RBFOX1: variants seen among roughly 807,000 people sequenced by gnomAD.
RBFOX1 encodes RNA binding fox-1 homolog 1.
RBFOX1 carries 8 observed loss-of-function variants against 57.7 expected under a neutral mutation model. That is an observed-to-expected ratio of 0.14 (90% CI 0.08 to 0.25). The LOEUF is 0.25. Among genes scored for constraint, RBFOX1 ranks in the 10% least tolerant of loss-of-function variants. RBFOX1 has a pLI of 1.00. For missense variants in RBFOX1, 611 were observed against 548.5 expected (o/e 1.11, Z -1.14); for synonymous variants, 326 against 222.4 (o/e 1.47, Z -4.15).
intron 2 of RBFOX1, among the ~76,000 whole-genome samples, chr16:6,527,363 C>T (rs1228959152): frequency 6.6e-6 from 1 of 151,952 alleles, no homozygotes; most frequent in African/African-American, 2.4e-5. Flanking sequence ...CTCCTTCCTT[C>T]CTCCCCCAAC....
intron 1 of RBFOX1, among the ~76,000 whole-genome samples, chr16:6,088,236 A>G (rs1296816827): frequency 6.6e-6 from 1 of 151,368 alleles, no homozygotes; most frequent in Admixed American, 6.6e-5. Flanking sequence ...CAGTTGGATC[A>G]TATCTGTTTT....
intron 2 of RBFOX1, among the ~76,000 whole-genome samples, chr16:5,577,370 TCTCAC>T (rs2046497540): frequency 1.3e-5 from 2 of 151,610 alleles, no homozygotes; most frequent in South Asian, 4.2e-4. Context: ...GGCGGGGGGG[TCTCAC>T]CTCCTCACCT....
At chr16:6,331,608 GTATATATA>G (rs34988811) in intron 2 of RBFOX1, among the ~76,000 whole-genome samples, 1 of 146,972 alleles carries the variant, frequency 6.8e-6, no homozygotes, top group South Asian at 2.1e-4. Context: ...ATATATATGT[GTATATATA>G]TATATATAAT....
chr16:7,337,112 C>A lies in RBFOX1; in HGVS notation c.28-181035C>A, dbSNP rs757454739. ...CAGTCATGCCTTTAATTCCCCTTTG[C>A]CTATGGAGAACCTAAAACCTACACT... is the stretch of plus-strand genomic sequence containing the variant. On this transcript the variant is annotated intron_variant, in intron 4 of 15. Transcript: ENST00000550418. 2.7e-4 allele frequency among the ~76,000 whole-genome samples: 41 copies of A among 152,136 alleles called. 1 individual carries two copies. The highest frequency in any genetic ancestry group is 8.2e-4 in the African/African-American group (34 of 41,416).
chr16:7,106,722 C>T lies in RBFOX1; in HGVS notation c.27+54624C>T, dbSNP rs370382001. Among the ~76,000 whole-genome samples the T allele has an allele frequency of 2.9e-4, 44 of 151,964 alleles. No individual in the cohort carries two copies. The South Asian group carries it at 7.9e-3, about 27-fold the overall frequency. On this transcript the variant is annotated intron_variant, in intron 4 of 15. Coordinates refer to ENST00000550418, the MANE Select transcript of RBFOX1 (RefSeq NM_018723.4). Reference sequence around the variant, plus strand: ...ATGCTAGGTGCTTGAGATATGAATTCATGACACATAATCCCTGCCACCAAG... The same window carrying T: ...ATGCTAGGTGCTTGAGATATGAATTTATGACACATAATCCCTGCCACCAAG...
intron 3 of RBFOX1, among the ~76,000 whole-genome samples, chr16:6,944,644 C>A (rs919306263): frequency 6.6e-6 from 1 of 152,062 alleles, no homozygotes; most frequent in Non-Finnish European, 1.5e-5. Context: ...GGGGGTCTGG[C>A]CATGCATCAC....
chr16:6,250,200 A>G (rs1439930990), intron 1 of RBFOX1, among the ~76,000 whole-genome samples: 2 of 152,124 alleles, frequency 1.3e-5, no homozygotes, highest in South Asian at 2.1e-4. Flanking sequence ...AAGAGCAGGG[A>G]CTATCTTTTT....
intron 3 of RBFOX1, among the ~76,000 whole-genome samples, chr16:5,798,056 C>T (rs987017443): frequency 3.3e-5 from 5 of 152,188 alleles, no homozygotes; most frequent in African/African-American, 1.2e-4. Flanking sequence ...ATATTGGTTT[C>T]TGTACTTAAT....
rs1333034956 is a variant in RBFOX1, at chr16:6,668,152, G to A, written c.-16+13502G>A. Among the ~76,000 whole-genome samples, 4 of 152,200 alleles carry A rather than the reference G, an allele frequency of 2.6e-5. No individual in the cohort carries two copies. In the South Asian group the frequency reaches 6.2e-4, roughly 24 times the overall value. ...TGACTGAAAGAGTATAGAGTTGAGAGCATAAGTAAAGGTGCAGACCAGGGA... is the reference window on the plus strand; with the variant it reads ...TGACTGAAAGAGTATAGAGTTGAGAACATAAGTAAAGGTGCAGACCAGGGA... On this transcript the variant is annotated intron_variant, in intron 3 of 15. Coordinates refer to ENST00000550418, the MANE Select transcript of RBFOX1 (RefSeq NM_018723.4).
intron 3 of RBFOX1, among the ~76,000 whole-genome samples, chr16:6,957,321 C>CG (rs2082079911): frequency 6.6e-6 from 1 of 151,738 alleles, no homozygotes; most frequent in South Asian, 2.1e-4. Context: ...TTAGTACAGA[C>CG]GGGGTTTCAC....
intron 2 of RBFOX1, among the ~76,000 whole-genome samples, chr16:6,379,655 A>C (rs1237179795): frequency 1.3e-5 from 2 of 151,778 alleles, no homozygotes; most frequent in African/African-American, 4.8e-5. Flanking sequence ...TGCAAGTGTC[A>C]AGAGCTGTGC....
intron 3 of RBFOX1, among the ~76,000 whole-genome samples, chr16:6,947,114 C>A (rs1380723982): frequency 1.3e-5 from 2 of 152,160 alleles, no homozygotes; most frequent in African/African-American, 4.8e-5. Context: ...GGGATAAGAT[C>A]TGTTAAACTC....
At chr16:5,674,238 T>C (rs2050100739) in intron 3 of RBFOX1, among the ~76,000 whole-genome samples, 1 of 152,230 alleles carries the variant, frequency 6.6e-6, no homozygotes, top group African/African-American at 2.4e-5. Context: ...TCTGAAAATC[T>C]TTTAAAGCAA....
At chr16:7,298,215 C>G (rs1373455378) in intron 4 of RBFOX1, among the ~76,000 whole-genome samples, 8 of 150,966 alleles carry the variant, frequency 5.3e-5, no homozygotes, top group Non-Finnish European at 7.4e-5. Flanking sequence ...ATAGTTGACC[C>G]TTCAGCAACA....
chr16:5,922,983 G>A (rs2058856896), intron 4 of RBFOX1, among the ~76,000 whole-genome samples: 1 of 152,190 alleles, frequency 6.6e-6, no homozygotes, highest in South Asian at 2.1e-4. Flanking sequence ...GGATGTGGAG[G>A]ACAGAGAAAG....
At chr16:7,282,069 T>G (rs187104053) in intron 4 of RBFOX1, among the ~76,000 whole-genome samples, 1 of 151,924 alleles carries the variant, frequency 6.6e-6, no homozygotes, top group African/African-American at 2.4e-5. Flanking sequence ...GGGTTTCTAT[T>G]TGTTGCCCAA....
intron 1 of RBFOX1, among the ~76,000 whole-genome samples, chr16:5,258,476 A>T (rs2062646075): frequency 6.6e-6 from 1 of 152,182 alleles, no homozygotes; most frequent in East Asian, 1.9e-4. Flanking sequence ...ATCCTCTAAG[A>T]TCGAGTTTAC....
chr16:6,546,967 G>A (rs1007633654), intron 2 of RBFOX1, among the ~76,000 whole-genome samples: 2 of 152,198 alleles, frequency 1.3e-5, no homozygotes, highest in African/African-American at 4.8e-5. Flanking sequence ...CTTTCAAAAA[G>A]TGAAGTAGGG....
chr16:6,211,823 TA>T (rs1486300682), intron 1 of RBFOX1, among the ~76,000 whole-genome samples: 17 of 92,524 alleles, frequency 1.8e-4, no homozygotes, highest in African/African-American at 5.6e-4. Context: ...ATACATCTTT[TA>T]TTTATTTATT....
Sources: gnomAD v4.1 joint callset for allele counts (sites outside exome capture counted in the v4.1 genomes callset) on GRCh38, gnomAD v4.1.1 for gene constraint, MANE v1.5 for transcripts, NCBI Gene and HGNC (gene_info 2026-07-23, HGNC 2026-07-21) for gene names.